MAPDA: variants seen among roughly 807,000 people sequenced by gnomAD.
The protein encoded by MAPDA is N6,N6-dimethyl-AMP deaminase.
At chr15:43,331,054 C>T in the MAPDA span, among the ~76,000 whole-genome samples, 2 of 152,344 alleles carry the variant, frequency 1.3e-5, no homozygotes, top group Non-Finnish European at 2.9e-5. Flanking sequence ...GAAAACAAGT[C>T]ACTAAGGCCA....
chr15:43,340,303 C>T, the MAPDA span: 18 of 1,613,882 alleles, frequency 1.1e-5, no homozygotes, highest in Middle Eastern at 1.6e-4. Flanking sequence ...CAGATGACGG[C>T]GTCAAGTACC....
chr15:43,336,873 G>A, the MAPDA span, among the ~76,000 whole-genome samples: 1 of 152,276 alleles, frequency 6.6e-6, no homozygotes, highest in East Asian at 1.9e-4. Flanking sequence ...TGTGTTTCTT[G>A]TAAAAGATAT....
chr15:43,334,633 T>TAATATATATATATATATATATA, the MAPDA span, among the ~76,000 whole-genome samples: 17 of 65,170 alleles, frequency 2.6e-4, no homozygotes, highest in Admixed American at 5.6e-4. Flanking sequence ...CTCAAAAAAA[T>TAATATATATATATATATATATA]TATATATATA....
the MAPDA span, among the ~76,000 whole-genome samples, chr15:43,335,984 T>G: frequency 1.3e-5 from 2 of 152,360 alleles, no homozygotes; most frequent in South Asian, 4.1e-4. Context: ...TTCCAGCTGT[T>G]AGACTGTTGA....
chr15:43,338,258 G>A, the MAPDA span, among the ~76,000 whole-genome samples: 6 of 152,306 alleles, frequency 3.9e-5, no homozygotes, highest in Admixed American at 6.5e-5. Flanking sequence ...TAAATGAAAC[G>A]TCTATGAGGA....
the MAPDA span, chr15:43,346,978 A>G: frequency 6.4e-6 from 10 of 1,551,724 alleles, no homozygotes; most frequent in South Asian, 1.1e-4. Flanking sequence ...GTTTTCCCAG[A>G]ATTCTCATGC....
At chr15:43,349,314 A>T in the MAPDA span, 2 of 1,166,070 alleles carry the variant, frequency 1.7e-6, no homozygotes, top group Non-Finnish European at 2.1e-6. Context: ...TTTTAAAGGA[A>T]TAAAGGGTCA....
At chr15:43,346,264 A>G in the MAPDA span, among the ~76,000 whole-genome samples, 1 of 152,354 alleles carries the variant, frequency 6.6e-6, no homozygotes, top group Admixed American at 6.5e-5. Context: ...CCCAGACTAT[A>G]TGCACTATAA....
chr15:43,335,765 G>T, the MAPDA span: 1 of 1,613,894 alleles, frequency 6.2e-7, no homozygotes, highest in Non-Finnish European at 8.5e-7. Context: ...CCAGAAGCCA[G>T]ATCTTAAAAT....
the MAPDA span, among the ~76,000 whole-genome samples, chr15:43,337,694 C>T: frequency 6.6e-6 from 1 of 152,180 alleles, no homozygotes; most frequent in African/African-American, 2.4e-5. Context: ...AAATTTTCCT[C>T]TTTGGTAAAG....
chr15:43,346,545 G>A, the MAPDA span, among the ~76,000 whole-genome samples: 4 of 152,200 alleles, frequency 2.6e-5, no homozygotes, highest in African/African-American at 9.7e-5. Flanking sequence ...TCCCCTGGGG[G>A]GCAGAATTGC....
At chr15:43,345,136 T>C in the MAPDA span, among the ~76,000 whole-genome samples, 3 of 151,922 alleles carry the variant, frequency 2.0e-5, no homozygotes, top group African/African-American at 7.2e-5. Flanking sequence ...GGGCGGATCA[T>C]GAGGTCAGGA....
At chr15:43,348,843 GA>G in the MAPDA span, 13 of 1,543,486 alleles carry the variant, frequency 8.4e-6, no homozygotes, top group Non-Finnish European at 1.1e-5. Flanking sequence ...CCTAGCTATA[GA>G]AAAAAATACT....
the MAPDA span, among the ~76,000 whole-genome samples, chr15:43,338,183 AT>A: frequency 6.6e-6 from 1 of 152,234 alleles, no homozygotes. Context: ...AAGTGAGAAG[AT>A]TCTGTGCATT....
chr15:43,330,486 C>A, the MAPDA span: 1 of 1,519,304 alleles, frequency 6.6e-7, no homozygotes, highest in South Asian at 1.3e-5. Flanking sequence ...CTCCGGGGGC[C>A]CATGGCCAGA....
the MAPDA span, chr15:43,336,807 T>A: frequency 1.4e-6 from 1 of 707,626 alleles, no homozygotes. Flanking sequence ...TTCTCTATTA[T>A]GGCAACTCTT....
chr15:43,334,404 G>T, the MAPDA span, among the ~76,000 whole-genome samples: 3 of 151,482 alleles, frequency 2.0e-5, no homozygotes, highest in Non-Finnish European at 2.9e-5. Flanking sequence ...GAGGCGGGTG[G>T]ATCACTTGAG....
chr15:43,351,514 TA>T, the MAPDA span: 85 of 503,992 alleles, frequency 1.7e-4, no homozygotes, highest in South Asian at 2.6e-3. Context: ...AGATAGGCTT[TA>T]AAAGCTCCTT....
the MAPDA span, chr15:43,330,448 C>T: frequency 1.3e-6 from 2 of 1,536,886 alleles, no homozygotes; most frequent in Non-Finnish European, 1.7e-6. Context: ...CGTTGGTGTT[C>T]TGTACCGCGC....
Sources: gnomAD v4.1 joint callset for allele counts (sites outside exome capture counted in the v4.1 genomes callset) on GRCh38, gnomAD v4.1.1 for gene constraint, MANE v1.5 for transcripts, NCBI Gene and HGNC (gene_info 2026-07-23, HGNC 2026-07-21) for gene names.